The following PRAMEF20 variants were observed in gnomAD, a reference collection of about 807,000 sequenced individuals.
PRAMEF20 encodes the protein PRAME family member 20, also known as PRAME family member 20/21.
PRAMEF20 carries 27 observed loss-of-function variants against 32.4 expected under a neutral mutation model. That is an observed-to-expected ratio of 0.83 (90% CI 0.61 to 1.15). The LOEUF is 1.15. Ranked by LOEUF, PRAMEF20 falls within the 50% of genes most tolerant of loss-of-function variation. PRAMEF20 has a pLI of 0.00. For synonymous variants in PRAMEF20, 256 were observed against 235.4 expected, an observed-to-expected ratio of 1.09 and a Z score of -0.80; for missense variants, 604 against 584.5, an observed-to-expected ratio of 1.03 and a Z score of -0.34.
the PRAMEF20 span, among the ~76,000 whole-genome samples, chr1:13,411,349 A>G: frequency 6.7e-6 from 1 of 148,706 alleles, no homozygotes; most frequent in East Asian, 2.1e-4. Context: ...CCCACCGCCA[A>G]AATATATCTT....
In PRAMEF20 at chr1:13,420,742, G is replaced by GAACTAA; in HGVS notation, c.912_913insAACTAA (p.Val304_Leu305insAsnTer). 1 of 1,613,906 alleles carries GAACTAA rather than the reference G, an allele frequency of 6.2e-7. No homozygotes were observed. ...ACATCCTCGCAATAACTAACTGTGT[G>GAACTAA]CTTTTGGAATCAGACTTGAAGCATC... On this transcript the variant is annotated stop_gained and inframe_insertion, in exon 3 of 3. Coordinates refer to ENST00000602960, the Ensembl canonical transcript of PRAMEF20. LOFTEE classifies it high-confidence loss of function.
Position 13,416,383 on chromosome 1 carries a change from TG to T in PRAMEF20, c.31del (p.Glu11SerfsTer8), listed in dbSNP as rs761029123. ...AGCATCCGGACTCCACCCAGACTCC[TG>T]GAGCTGGCGGGGCGGAGCCTGCTGA... On this transcript the variant is annotated frameshift_variant, in exon 1 of 3. Coordinates refer to ENST00000602960, the Ensembl canonical transcript of PRAMEF20. LOFTEE classifies it high-confidence loss of function. The T allele has an allele frequency of 6.6e-5, 107 of 1,613,374 alleles. No homozygotes were observed. The highest frequency in any genetic ancestry group is 3.2e-4 in the Admixed American group (19 of 60,020).
upstream of PRAMEF20, among the ~76,000 whole-genome samples, chr1:13,412,558 A>G (rs1641124072): frequency 1.3e-5 from 2 of 152,082 alleles, no homozygotes; most frequent in East Asian, 3.8e-4. Flanking sequence ...AGATCCCCCA[A>G]CATATTCACA....
chr1:13,412,621 C>G (rs866427139), upstream of PRAMEF20, among the ~76,000 whole-genome samples: 1 of 151,760 alleles, frequency 6.6e-6, no homozygotes, highest in Admixed American at 6.6e-5. Context: ...CCACCCTGCC[C>G]GGCTCCCACC....
exon 1 of PRAMEF20, chr1:13,416,365 G>A (rs770676667): frequency 1.7e-5 from 28 of 1,612,846 alleles, no homozygotes; most frequent in South Asian, 2.2e-5. Flanking sequence ...ATGAGCATCC[G>A]GACTCCACCC....
chr1:13,411,339 C>G, the PRAMEF20 span, among the ~76,000 whole-genome samples: 3,292 of 151,932 alleles, frequency 0.022, 108 homozygotes, highest in African/African-American at 0.076. Flanking sequence ...CCCCCTCCCC[C>G]CCACCGCCAA....
intron 2 of PRAMEF20, among the ~76,000 whole-genome samples, chr1:13,420,164 T>C (rs988668600): frequency 0.013 from 1,904 of 152,234 alleles, 41 homozygotes; most frequent in African/African-American, 0.044. Context: ...GTGAACTGGA[T>C]CCATTCCTAT....
chr1:13,417,910 T>TATGTGTGTGTGTGTGTGTG (rs1369049111), intron 1 of PRAMEF20, among the ~76,000 whole-genome samples: 9 of 124,218 alleles, frequency 7.2e-5, no homozygotes, highest in Admixed American at 6.1e-4. Flanking sequence ...CCCGGCTAAT[T>TATGTGTGTGTGTGTGTGTG]TGTGTGTGTG....
chr1:13,413,613 T>C (rs1243385870), upstream of PRAMEF20, among the ~76,000 whole-genome samples: 1 of 152,010 alleles, frequency 6.6e-6, no homozygotes, highest in Non-Finnish European at 1.5e-5. Flanking sequence ...CATCCACCCT[T>C]CTCAGCCCCC....
chr1:13,418,024 T>G, intron 1 of PRAMEF20, 98 bp from the exon 3 acceptor site: 3 of 1,594,244 alleles, frequency 1.9e-6, no homozygotes, highest in African/African-American at 1.3e-5. Flanking sequence ...TCCGCCCGCC[T>G]TGGCCTCCCA....
At chr1:13,418,749 T>C in intron 2 of PRAMEF20, 49 bp downstream of exon 3, 2 of 1,610,606 alleles carry the variant, frequency 1.2e-6, no homozygotes, top group Non-Finnish European at 1.7e-6. Context: ...AGAGCCTTTC[T>C]TGTTACAGGG....
At chr1:13,418,217 C>T (rs1187515215) in exon 2 of PRAMEF20, 1 of 1,613,742 alleles carries the variant, frequency 6.2e-7, no homozygotes, top group Non-Finnish European at 8.5e-7. Context: ...TTACCAAATG[C>T]CATGATGAAC....
chr1:13,415,687 G>A (rs1289874632), upstream of PRAMEF20, among the ~76,000 whole-genome samples: 3 of 151,976 alleles, frequency 2.0e-5, no homozygotes, highest in African/African-American at 7.2e-5. Context: ...CTACTTGGGA[G>A]GCTGAGATGG....
chr1:13,416,977 G>A (rs1468531684), intron 1 of PRAMEF20, among the ~76,000 whole-genome samples: 1 of 152,154 alleles, frequency 6.6e-6, no homozygotes, highest in African/African-American at 2.4e-5. Flanking sequence ...TTCAAGACCA[G>A]CCTGGCCAAC....
chr1:13,411,818 G>A (rs997763493), upstream of PRAMEF20, among the ~76,000 whole-genome samples: 2 of 152,246 alleles, frequency 1.3e-5, no homozygotes, highest in East Asian at 3.9e-4. Flanking sequence ...CCTTGGTGAT[G>A]GCCTGTGCCC....
chr1:13,413,458 G>A (rs1402646736), upstream of PRAMEF20, among the ~76,000 whole-genome samples: 54 of 151,890 alleles, frequency 3.6e-4, no homozygotes, highest in Admixed American at 3.5e-3. Context: ...TCCACCTCCT[G>A]GGTTCAAGTG....
intron 1 of PRAMEF20, among the ~76,000 whole-genome samples, chr1:13,417,581 C>T (rs937325319): frequency 0.022 from 3,322 of 148,830 alleles, 120 homozygotes; most frequent in African/African-American, 0.077. Flanking sequence ...CCAGCCTGGG[C>T]GACAGAGGGA....
chr1:13,414,714 T>TG (rs1641147812), upstream of PRAMEF20, among the ~76,000 whole-genome samples: 1 of 151,734 alleles, frequency 6.6e-6, no homozygotes, highest in African/African-American at 2.4e-5. Flanking sequence ...ATACACCCGC[T>TG]GCAGCCTCTC....
At chr1:13,416,222 A>G, upstream of PRAMEF20, 1 of 1,531,998 alleles carries the variant, frequency 6.5e-7, no homozygotes, top group South Asian at 1.1e-5. Context: ...AATTGGAGTA[A>G]ACTGAGGGCT....
Sources: allele counts gnomAD v4.1 joint callset (sites outside exome capture counted in the v4.1 genomes callset), GRCh38; gene constraint gnomAD v4.1.1; transcripts MANE v1.5; gene names NCBI Gene and HGNC (gene_info 2026-07-23, HGNC 2026-07-21).